MAOA: variants seen among roughly 807,000 people sequenced by gnomAD.
MAOA encodes the protein monoamine oxidase A, also known as amine oxidase [flavin-containing] A.
MAOA carries 6 observed loss-of-function variants against 42.0 expected under a neutral mutation model. The observed-to-expected ratio is 0.14, with a 90% CI of 0.08 to 0.28. MAOA has a LOEUF of 0.28. MAOA is among the 10% of genes least tolerant of loss of function. MAOA has a pLI of 1.00. For synonymous variants in MAOA, 140 were observed against 154.0 expected, an observed-to-expected ratio of 0.91 and a Z score of 0.67; for missense variants, 262 against 422.3, an observed-to-expected ratio of 0.62 and a Z score of 3.33.
At chrX:43,712,165 A>T (rs1036539988) in intron 4 of MAOA, among the ~76,000 whole-genome samples, 189 bp downstream of exon 4, 4 of 111,538 alleles carry the variant, frequency 3.6e-5, no homozygotes, top group African/African-American at 1.3e-4. Flanking sequence ...AGATTATGTA[A>T]TTTACTCAAG....
At chrX:43,669,170 G>A (rs2033307176) in intron 1 of MAOA, among the ~76,000 whole-genome samples, 1 of 107,979 alleles carries the variant, frequency 9.3e-6, no homozygotes, top group Admixed American at 1.0e-4. Context: ...CAGCACTTTG[G>A]GAGACTGAGG....
At chrX:43,692,238 C>G (rs933815395) in intron 2 of MAOA, among the ~76,000 whole-genome samples, 1 of 110,514 alleles carries the variant, frequency 9.0e-6, no homozygotes, top group Non-Finnish European at 1.9e-5. Flanking sequence ...GTCCAGAGCC[C>G]CATGAAGTGT....
At chrX:43,731,985 T>A in intron 8 of MAOA, 132 bp downstream of exon 8, 1 of 652,835 alleles carries the variant, frequency 1.5e-6, no homozygotes, top group East Asian at 3.6e-5. Flanking sequence ...GAAATCTTGG[T>A]CTGTCAATTT....
intron 5 of MAOA, among the ~76,000 whole-genome samples, chrX:43,716,741 G>A (rs1468215343): frequency 9.1e-6 from 1 of 110,351 alleles, no homozygotes; most frequent in African/African-American, 3.3e-5. Context: ...GTGCCAAAAG[G>A]GTAGTGGTGG....
At chrX:43,655,784 A>G (rs1194901557), upstream of MAOA, 1 of 120,231 alleles carries the variant, frequency 8.3e-6, no homozygotes, top group Non-Finnish European at 1.7e-5. Flanking sequence ...CGCAAGTGTC[A>G]ATACAAGCAC....
intron 5 of MAOA, among the ~76,000 whole-genome samples, chrX:43,723,146 G>T (rs1283543479): frequency 1.8e-5 from 2 of 111,676 alleles, no homozygotes; most frequent in Middle Eastern, 4.6e-3. Context: ...TGTCCTTTTT[G>T]CTTAGGATTG....
intron 2 of MAOA, among the ~76,000 whole-genome samples, chrX:43,690,889 G>A (rs2147083985): frequency 9.0e-6 from 1 of 111,365 alleles, no homozygotes; most frequent in Admixed American, 9.6e-5. Flanking sequence ...ATATGAATAA[G>A]CTAATCATGC....
chrX:43,664,973 A>G (rs1601924109), intron 1 of MAOA, among the ~76,000 whole-genome samples: 2 of 111,925 alleles, frequency 1.8e-5, no homozygotes, highest in Middle Eastern at 4.7e-3. Context: ...AGAATTAACA[A>G]TGTATCATGC....
At chrX:43,715,459 G>T (rs1462684699) in intron 5 of MAOA, among the ~76,000 whole-genome samples, 1 of 110,749 alleles carries the variant, frequency 9.0e-6, no homozygotes, top group Non-Finnish European at 1.9e-5. Flanking sequence ...AGGGTCAGGG[G>T]TGAGACAGCA....
chrX:43,656,031 A>G, upstream of MAOA: 1 of 335,307 alleles, frequency 3.0e-6, no homozygotes, highest in East Asian at 5.6e-5. Context: ...GCACCCAGTA[A>G]TCCTTTCCAG....
intron 1 of MAOA, among the ~76,000 whole-genome samples, chrX:43,664,059 T>G (rs1453325329): frequency 8.9e-6 from 1 of 112,561 alleles, no homozygotes. Context: ...TGTAATTATT[T>G]TTAGCTGATA....
At chrX:43,724,557 G>A (rs2033817159) in intron 5 of MAOA, among the ~76,000 whole-genome samples, 1 of 110,928 alleles carries the variant, frequency 9.0e-6, no homozygotes, top group Admixed American at 9.6e-5. Context: ...GTGTATATTT[G>A]ATTCTTCTCT....
intron 5 of MAOA, among the ~76,000 whole-genome samples, chrX:43,718,226 C>A (rs1031305466): frequency 2.8e-5 from 3 of 105,457 alleles, no homozygotes; most frequent in Non-Finnish European, 5.8e-5. Context: ...TTCACAGAGG[C>A]AGGGGGAGAC....
intron 2 of MAOA, among the ~76,000 whole-genome samples, chrX:43,691,840 A>C (rs972104598): frequency 8.9e-6 from 1 of 111,806 alleles, no homozygotes; most frequent in Non-Finnish European, 1.9e-5. Flanking sequence ...TAAAAATTCT[A>C]AACAAAATGT....
At chrX:43,717,384 A>G (rs1275668373) in intron 5 of MAOA, among the ~76,000 whole-genome samples, 2 of 111,316 alleles carry the variant, frequency 1.8e-5, no homozygotes, top group African/African-American at 6.5e-5. Flanking sequence ...AGATGATATC[A>G]TTCAAGAATT....
chrX:43,660,427 T>C (rs187547632), intron 1 of MAOA, among the ~76,000 whole-genome samples: 1 of 110,684 alleles, frequency 9.0e-6, no homozygotes, highest in African/African-American at 3.3e-5. Flanking sequence ...ATTAGCAGCC[T>C]CCCAAACACC....
intron 11 of MAOA, 113 bp from the exon 12 acceptor site, chrX:43,741,837 A>G (rs1417478793): frequency 1.8e-6 from 2 of 1,141,290 alleles, no homozygotes; most frequent in African/African-American, 3.6e-5. Flanking sequence ...TTAGAAAAAC[A>G]GGATTTTCTT....
At chrX:43,693,467 C>A (rs2033552619) in intron 3 of MAOA, 39 bp downstream of exon 3, 2 of 1,188,451 alleles carry the variant, frequency 1.7e-6, no homozygotes, top group East Asian at 5.9e-5. Flanking sequence ...GATAGGGAAG[C>A]ATTTTATTTG....
upstream of MAOA, chrX:43,655,992 C>T (rs775126260): frequency 3.5e-4 from 92 of 259,854 alleles, no homozygotes; most frequent in Non-Finnish European, 4.9e-4. Flanking sequence ...GTGCCTGACA[C>T]TCCGCGGGGT....
Sources: allele counts gnomAD v4.1 joint callset (sites outside exome capture counted in the v4.1 genomes callset), GRCh38; gene constraint gnomAD v4.1.1; transcripts MANE v1.5; gene names NCBI Gene and HGNC (gene_info 2026-07-23, HGNC 2026-07-21).